CAMTA1: variants seen among roughly 807,000 people sequenced by gnomAD.
CAMTA1 encodes the protein calmodulin-binding transcription activator 1.
CAMTA1 carries 27 observed loss-of-function variants against 170.9 expected under a neutral mutation model. That is an observed-to-expected ratio of 0.16 (90% CI 0.12 to 0.22). The LOEUF (loss-of-function observed/expected upper bound fraction) is 0.22. CAMTA1 is among the 10% of genes least tolerant of loss of function. The pLI is 1.00. For missense variants in CAMTA1, 1,619 were observed against 2,217.2 expected, an observed-to-expected ratio of 0.73 and a Z score of 5.42; for synonymous variants, 833 against 891.5, an observed-to-expected ratio of 0.93 and a Z score of 1.17.
At chr1:7,469,186 T>G (rs920329420) in intron 6 of CAMTA1, among the ~76,000 whole-genome samples, 5 of 152,178 alleles carry the variant, frequency 3.3e-5, no homozygotes, top group Non-Finnish European at 7.3e-5. Flanking sequence ...TGTCATCAGT[T>G]TCCCTGGCTC....
chr1:7,323,507 C>CTTTTTTTT (rs56382342), intron 5 of CAMTA1, among the ~76,000 whole-genome samples: 1,158 of 108,940 alleles, frequency 0.011, 11 homozygotes, highest in East Asian at 0.013. Flanking sequence ...CTTTATTCTT[C>CTTTTTTTT]TTTTTTTTTT....
chr1:7,768,955 A>G lies in CAMTA1; in HGVS notation c.*2464A>G, dbSNP rs972360011. On this transcript the variant is annotated 3_prime_UTR_variant, in exon 23 of 23. Transcript: ENST00000303635. ...CCATTTATTATGGTACAAATAACTG[A>G]TGTTTTAACCAGAGTAATGACCTCA... is the stretch of plus-strand genomic sequence containing the variant. 1 of 152,334 alleles carries G rather than the reference A, an allele frequency of 6.6e-6. No individual in the cohort carries two copies. The highest frequency in any genetic ancestry group is 2.1e-4 in the South Asian group (1 of 4,838). 9.4% of individuals were successfully genotyped at this position (152,334 alleles called of 1,614,324 possible).
At chr1:7,600,775 G>A (rs1172779516) in intron 6 of CAMTA1, among the ~76,000 whole-genome samples, 1 of 151,950 alleles carries the variant, frequency 6.6e-6, no homozygotes, top group Non-Finnish European at 1.5e-5. Flanking sequence ...CACAGCACAT[G>A]TTTCAGAGAG....
At chr1:6,792,112 C>T (rs1641278423) in intron 1 of CAMTA1, among the ~76,000 whole-genome samples, 1 of 152,014 alleles carries the variant, frequency 6.6e-6, no homozygotes, top group South Asian at 2.1e-4. Flanking sequence ...CACCACCATG[C>T]CCGGCTAATT....
At chr1:6,904,878 C>A (rs1369708150) in intron 3 of CAMTA1, among the ~76,000 whole-genome samples, 1 of 151,872 alleles carries the variant, frequency 6.6e-6, no homozygotes, top group Admixed American at 6.6e-5. Context: ...CAGGCGTGAG[C>A]CGCCACACCT....
chr1:7,501,354 G>A (rs1189541764), intron 6 of CAMTA1, among the ~76,000 whole-genome samples: 1 of 152,182 alleles, frequency 6.6e-6, no homozygotes, highest in Non-Finnish European at 1.5e-5. Context: ...CTTTGTTCCC[G>A]GGATCTCCGG....
chr1:7,056,493 G>A (rs1707343816), intron 3 of CAMTA1, among the ~76,000 whole-genome samples: 2 of 152,158 alleles, frequency 1.3e-5, no homozygotes, highest in African/African-American at 4.8e-5. Flanking sequence ...AATAAAAAAT[G>A]TACTCTGTTA....
At chr1:7,254,917 C>T (rs1330633045) in intron 5 of CAMTA1, among the ~76,000 whole-genome samples, 1 of 152,156 alleles carries the variant, frequency 6.6e-6, no homozygotes, top group African/African-American at 2.4e-5. Context: ...AGGTAAGGTG[C>T]CTAATGAAAT....
chr1:6,899,335 CAT>C (rs1237073072), intron 3 of CAMTA1, among the ~76,000 whole-genome samples: 2 of 152,182 alleles, frequency 1.3e-5, no homozygotes, highest in Admixed American at 6.5e-5. Context: ...TTCTTCAGCA[CAT>C]GTTTTGTTGC....
At chr1:7,630,754 T>C (rs2095663649) in intron 6 of CAMTA1, among the ~76,000 whole-genome samples, 2 of 152,210 alleles carry the variant, frequency 1.3e-5, no homozygotes, top group Admixed American at 1.3e-4. Flanking sequence ...TCTGAAGCCC[T>C]TGCCAGCCAT....
intron 5 of CAMTA1, among the ~76,000 whole-genome samples, chr1:7,339,297 A>G (rs2083618227): frequency 6.6e-6 from 1 of 151,422 alleles, no homozygotes; most frequent in Non-Finnish European, 1.5e-5. Context: ...CTCCATCTCA[A>G]TAAAGCTGTT....
rs557004927 is a variant in CAMTA1 at position 7,482,058 on chromosome 1, C to T, written c.510+14157C>T. 2.6e-5 allele frequency among the ~76,000 whole-genome samples: 4 copies of T among 152,182 alleles called. No homozygotes were observed. Among genetic ancestry groups the T allele is most frequent in the African/African-American group, 4.8e-5 (2 of 41,506 alleles). ...GTTCATTTTTTCTGTTCTAGAACTT[C>T]GTAGAACTGGAATCCTGCAGTATAT... On this transcript the variant is annotated intron_variant, in intron 6 of 22. Transcript: ENST00000303635. This position sits in a 1 kb window ranked among gnomAD's most constrained non-coding sequence, Gnocchi z 4.2.
intron 5 of CAMTA1, among the ~76,000 whole-genome samples, chr1:7,449,444 C>T (rs1246089431): frequency 6.6e-6 from 1 of 152,150 alleles, no homozygotes; most frequent in East Asian, 1.9e-4. Context: ...CTGACCTCGT[C>T]TTTTCCAAGG....
intron 5 of CAMTA1, among the ~76,000 whole-genome samples, chr1:7,451,595 G>A (rs1469081452): frequency 3.9e-5 from 6 of 152,122 alleles, no homozygotes; most frequent in Non-Finnish European, 7.4e-5. Flanking sequence ...GAGGTGGTGG[G>A]GAACTTGAAG....
At chr1:7,500,043 C>A (rs889427799) in intron 6 of CAMTA1, among the ~76,000 whole-genome samples, 3 of 134,956 alleles carry the variant, frequency 2.2e-5, no homozygotes, top group Non-Finnish European at 3.1e-5. Flanking sequence ...ATTGTGTGAG[C>A]CTGGTGTGCG....
rs565655556 is a variant in CAMTA1 at position 7,067,607 on chromosome 1, C to T, written c.235-23697C>T. On this transcript the variant is annotated intron_variant, in intron 3 of 22. Coordinates refer to ENST00000303635, the MANE Select transcript of CAMTA1 (RefSeq NM_015215.4). The surrounding 1 kb of genome is among the most constrained non-coding windows in gnomAD (Gnocchi z 4.3). ...CAAAGAACAAGGTAGATAAGTTCCT[C>T]GCATTTATTGTGTGTCTATTTGTCT... Among the ~76,000 whole-genome samples, 18 of 152,314 alleles carry T rather than the reference C, an allele frequency of 1.2e-4. No homozygotes were observed. Among genetic ancestry groups the T allele is most frequent in the Non-Finnish European group, 1.6e-4 (11 of 68,028 alleles).
intron 5 of CAMTA1, among the ~76,000 whole-genome samples, chr1:7,432,693 C>T (rs1171228103): frequency 6.6e-6 from 1 of 152,218 alleles, no homozygotes; most frequent in African/African-American, 2.4e-5. Flanking sequence ...TGGCTGCTCC[C>T]CACACAGCAG....
In CAMTA1 at chr1:6,887,797, A is replaced by T; in HGVS notation, c.234+62587A>T. ...TCCTGCCAGCCCCATGTCTGGCTTT[A>T]AGACAGTTCTATTAGTGAATTAACT... On this transcript the variant is annotated intron_variant, in intron 3 of 22. Coordinates refer to ENST00000303635, the MANE Select transcript of CAMTA1 (RefSeq NM_015215.4). The surrounding 1 kb of genome is among the most constrained non-coding windows in gnomAD (Gnocchi z 4.1). The T allele has an allele frequency of 6.6e-7, 1 of 1,521,712 alleles. No homozygotes were observed. Among genetic ancestry groups the T allele is most frequent in the Non-Finnish European group, 8.8e-7 (1 of 1,140,898 alleles). 94.3% of individuals were successfully genotyped at this position (1,521,712 alleles called of 1,614,324 possible).
intron 6 of CAMTA1, among the ~76,000 whole-genome samples, chr1:7,615,621 C>T (rs1044804557): frequency 1.3e-5 from 2 of 152,214 alleles, no homozygotes; most frequent in Admixed American, 1.3e-4. Context: ...TCTCTTTTTG[C>T]TTTGGGCTTT....
Sources: gnomAD v4.1 joint callset for allele counts (sites outside exome capture counted in the v4.1 genomes callset) on GRCh38, gnomAD v4.1.1 for gene constraint, Gnocchi (gnomAD v3.1) non-coding constraint, MANE v1.5 for transcripts, NCBI Gene and HGNC (gene_info 2026-07-23, HGNC 2026-07-21) for gene names.